The following ZNF839 variants were observed in gnomAD, a reference collection of about 807,000 sequenced individuals.
ZNF839 encodes the protein renal carcinoma antigen NY-REN-50.
A neutral mutation model predicts 56.4 loss-of-function variants in ZNF839; 38 were observed. That is an observed-to-expected ratio of 0.67 (90% CI 0.52 to 0.88). The LOEUF (loss-of-function observed/expected upper bound fraction) is 0.88. Among genes scored for constraint, ZNF839 ranks in the 40% least tolerant of loss-of-function variants. The pLI is 0.00. For synonymous variants in ZNF839, 486 were observed against 493.5 expected (o/e 0.98, Z 0.20); for missense variants, 1,091 against 1,177.6 (o/e 0.93, Z 1.08).
At chr14:102,339,323 C>A in intron 7 of ZNF839, 100 bp downstream of exon 7, 1 of 1,477,142 alleles carries the variant, frequency 6.8e-7, no homozygotes, top group Non-Finnish European at 9.1e-7. Flanking sequence ...GTTGGGTGAC[C>A]TGTGCTGGAT....
chr14:102,333,259 ATC>A (rs2073868561), intron 3 of ZNF839, among the ~76,000 whole-genome samples: 1 of 139,600 alleles, frequency 7.2e-6, no homozygotes, highest in African/African-American at 2.8e-5. Flanking sequence ...CTAAATGCCA[ATC>A]TTTTTTTTTT....
chr14:102,324,469 A>G (rs10132183), intron 1 of ZNF839, among the ~76,000 whole-genome samples: 27,421 of 151,814 alleles, frequency 0.18, 3,565 homozygotes, highest in African/African-American at 0.34. Flanking sequence ...CTTGAACCTG[A>G]GAGGCAGAGG....
chr14:102,334,829 A>G lies in ZNF839; in HGVS notation c.1509+183A>G, dbSNP rs140301081. 2.3e-4 allele frequency: 59 copies of G among 258,678 alleles called. 1 individual carries two copies. Among genetic ancestry groups the G allele is most frequent in the African/African-American group, 1.1e-3 (49 of 44,262 alleles). 16.0% of individuals were successfully genotyped at this position (258,678 alleles called of 1,614,324 possible). A position where few individuals can be genotyped will look rare whatever the true frequency, so the allele number is the denominator to read the frequency against. On this transcript the variant is annotated intron_variant, in intron 4 of 7. Coordinates refer to ENST00000442396, the MANE Select transcript of ZNF839 (RefSeq NM_018335.6). ...ACCATCGTAGCTCACTGCAGCCTCA[A>G]ACTGCTGGTCTCTAGCAATCCTTCC... is the stretch of plus-strand genomic sequence containing the variant.
upstream of ZNF839, among the ~76,000 whole-genome samples, chr14:102,317,867 A>AT (rs2072942550): frequency 6.6e-6 from 1 of 152,116 alleles, no homozygotes; most frequent in Non-Finnish European, 1.5e-5. Context: ...AAGTGGATGA[A>AT]TTTCTCACTC....
At position 102,319,840 on chromosome 14, in the gene ZNF839, C is replaced by T. The variant is rs2073022876; in HGVS notation, c.75C>T (p.Gly25=). The stretch of plus-strand genomic sequence containing the variant: ...GCGGCGGCGGCCCGGCTCCTCCGGG[C>T]CAGAGCGGCAGCGTCGCACGTGTGG... ...GGGGGGPAPP[G]QSGSVARVAP... The change falls in exon 1 of 8, where the codon GGC becomes GGT. Residue 25 remains glycine, a synonymous_variant. Coordinates refer to ENST00000442396, the MANE Select transcript of ZNF839 (RefSeq NM_018335.6). This position sits in a 1 kb window ranked among gnomAD's most constrained non-coding sequence, Gnocchi z 4.5. 72 of 1,251,730 alleles carry T rather than the reference C, an allele frequency of 5.8e-5. No individual in the cohort carries two copies. Among genetic ancestry groups the T allele is most frequent in the Non-Finnish European group, 7.1e-5 (71 of 999,998 alleles). The allele number at this position is 1,251,730 out of a possible 1,614,324, so 77.5% of individuals were successfully genotyped here. A position where few individuals can be genotyped will look rare whatever the true frequency, so the allele number is the denominator to read the frequency against.
chr14:102,327,122 G>A (rs1356338833), intron 2 of ZNF839, among the ~76,000 whole-genome samples: 1 of 151,828 alleles, frequency 6.6e-6, no homozygotes, highest in Non-Finnish European at 1.5e-5. Flanking sequence ...AGGAACAAGG[G>A]GCAGGGGGAG....
In ZNF839 at chr14:102,332,928, C is replaced by CA. The variant is rs978545610; in HGVS notation, c.1416+1090dup. Among the ~76,000 whole-genome samples, 2 of 151,746 alleles carry CA rather than the reference C, an allele frequency of 1.3e-5. No individual in the cohort carries two copies. Among genetic ancestry groups the CA allele is most frequent in the African/African-American group, 4.8e-5 (2 of 41,328 alleles). ...TTCGTCTCAAAAACAAAAACAAAAA[C>CA]AAAAAAAACTGTCAGTTGAACCTAA... is the stretch of plus-strand genomic sequence containing the variant. On this transcript the variant is annotated intron_variant, in intron 3 of 7. Coordinates refer to ENST00000442396, the MANE Select transcript of ZNF839 (RefSeq NM_018335.6). The surrounding 1 kb of genome is among the most constrained non-coding windows in gnomAD (Gnocchi z 4.9).
intron 2 of ZNF839, among the ~76,000 whole-genome samples, chr14:102,328,949 A>G (rs1250718937): frequency 6.6e-6 from 1 of 150,920 alleles, no homozygotes; most frequent in Non-Finnish European, 1.5e-5. Flanking sequence ...ATGTTCAATT[A>G]CATCTTTGAG....
intron 2 of ZNF839, among the ~76,000 whole-genome samples, chr14:102,330,567 C>A (rs1045005317): frequency 5.9e-5 from 8 of 136,728 alleles, no homozygotes; most frequent in Non-Finnish European, 1.1e-4. Flanking sequence ...TAGAGTCTCA[C>A]TGTGTTGCCC....
At chr14:102,320,556 G>A (rs1242229136) in intron 1 of ZNF839, among the ~76,000 whole-genome samples, 1 of 152,202 alleles carries the variant, frequency 6.6e-6, no homozygotes, top group African/African-American at 2.4e-5. Context: ...TGAATTAAAA[G>A]GAACCAACTT....
rs181290467 is a variant in ZNF839 at position 102,335,440 on chromosome 14, C to G, written c.1510-249C>G. 9.3e-5 allele frequency: 40 copies of G among 430,332 alleles called. No homozygotes were observed. In the Admixed American group the frequency reaches 1.3e-3, roughly 14 times the overall value. 26.7% of individuals were successfully genotyped at this position (430,332 alleles called of 1,614,324 possible). ...CTTCCCTTCCCACCCTGTCCAGGAGCTCACCCATGCCCTACATGGCCCCCA... is the reference window on the plus strand; with the variant it reads ...CTTCCCTTCCCACCCTGTCCAGGAGGTCACCCATGCCCTACATGGCCCCCA... On this transcript the variant is annotated intron_variant, in intron 4 of 7. Coordinates refer to ENST00000442396, the MANE Select transcript of ZNF839 (RefSeq NM_018335.6).
At chr14:102,324,086 CAG>C (rs1377378343) in intron 1 of ZNF839, among the ~76,000 whole-genome samples, 1 of 152,152 alleles carries the variant, frequency 6.6e-6, no homozygotes, top group Non-Finnish European at 1.5e-5. Context: ...ACATTCAGGA[CAG>C]GGTGAAGAAA....
At chr14:102,325,120 G>A (rs540553871) in intron 1 of ZNF839, among the ~76,000 whole-genome samples, 1 of 152,230 alleles carries the variant, frequency 6.6e-6, no homozygotes, top group African/African-American at 2.4e-5. Flanking sequence ...GGGAGGCCAA[G>A]GCAGGTGGAT....
chr14:102,339,025 C>A (rs1290557497), intron 6 of ZNF839, 69 bp from the exon 7 acceptor site: 8 of 1,613,214 alleles, frequency 5.0e-6, no homozygotes, highest in African/African-American at 1.3e-5. Context: ...CTTCTGTTCA[C>A]ACCAGGAAGA....
rs757374959 is a variant in ZNF839, at chr14:102,341,497, G to C, written c.2102G>C (p.Ser701Thr). Reference protein sequence around the residue: ...IGAALSSRDVSGLPVYAQSGE... With the variant: ...IGAALSSRDVTGLPVYAQSGE... ...GCTGCTCTCTCATCCCGGGATGTCAGTGGGCTGCCTGTTTATGCTCAGTCA... is the reference window on the plus strand; with the variant it reads ...GCTGCTCTCTCATCCCGGGATGTCACTGGGCTGCCTGTTTATGCTCAGTCA... Residue 701 changes from serine to threonine, a missense_variant, in exon 8 of 8, where the codon AGT (serine) becomes ACT (threonine). Physicochemically the swap from Ser to Thr is moderately conservative, Grantham distance 58. Coordinates refer to ENST00000442396, the MANE Select transcript of ZNF839 (RefSeq NM_018335.6). 6.3e-7 allele frequency: 1 copy of C among 1,599,244 alleles called. No homozygotes were observed. Among genetic ancestry groups the C allele is most frequent in the Non-Finnish European group, 8.5e-7 (1 of 1,171,226 alleles).
chr14:102,328,375 A>AAAATATATATATATAT (rs1197718891), intron 2 of ZNF839, among the ~76,000 whole-genome samples: 2 of 16,346 alleles, frequency 1.2e-4, no homozygotes, highest in Admixed American at 9.0e-4. Context: ...AAAAAAAAAA[A>AAAATATATATATATAT]ATATATATAT....
At chr14:102,340,946 T>G (rs1054245574) in intron 7 of ZNF839, among the ~76,000 whole-genome samples, 1 of 151,790 alleles carries the variant, frequency 6.6e-6, no homozygotes, top group African/African-American at 2.4e-5. Flanking sequence ...GGCGCATGCC[T>G]GTAATCCCAG....
chr14:102,319,933 G>GCCGCCC lies in ZNF839; in HGVS notation c.171_176dup (p.Pro58_Pro59dup). 1.7e-6 allele frequency: 2 copies of GCCGCCC among 1,208,222 alleles called. No individual in the cohort carries two copies. The highest frequency in any genetic ancestry group is 2.1e-6 in the Non-Finnish European group (2 of 968,306). 74.8% of individuals were successfully genotyped at this position (1,208,222 alleles called of 1,614,324 possible). On this transcript the variant is annotated inframe_insertion, in exon 1 of 8. Transcript: ENST00000442396. The surrounding 1 kb of genome is among the most constrained non-coding windows in gnomAD (Gnocchi z 4.5). Reference sequence around the variant, plus strand: ...TGACGAAGGCGCAGCCGCCGCCGCCGCCGCCCCCCTTCGTGCTGCGGGACG... The same window carrying GCCGCCC: ...TGACGAAGGCGCAGCCGCCGCCGCCGCCGCCCCCGCCCCCCTTCGTGCTGCGGGACG...
chr14:102,317,532 C>T (rs2072932241), upstream of ZNF839: 1 of 151,596 alleles, frequency 6.6e-6, no homozygotes. Context: ...GCAGATATCA[C>T]CGCCTAGTGT....
Sources: allele counts gnomAD v4.1 joint callset (sites outside exome capture counted in the v4.1 genomes callset), GRCh38; gene constraint gnomAD v4.1.1; non-coding constraint Gnocchi (gnomAD v3.1); transcripts MANE v1.5; gene names NCBI Gene and HGNC (gene_info 2026-07-23, HGNC 2026-07-21).